The following UTP20 variants were observed in gnomAD, a reference collection of about 807,000 sequenced individuals.
UTP20 encodes the protein UTP20 small subunit processome component, also known as small subunit processome component 20 homolog.
In UTP20, 164 loss-of-function variants were observed where a neutral mutation model predicts 329.5. The ratio of observed to expected loss-of-function variants is 0.50; its 90% confidence interval spans 0.44 to 0.57. The LOEUF (loss-of-function observed/expected upper bound fraction) is 0.57, where lower values mean the gene tolerates loss of function less well. UTP20 is among the 20% of genes least tolerant of loss of function. The pLI, the probability that UTP20 is intolerant of heterozygous loss-of-function variation, is 0.00. For missense variants in UTP20, 3,055 were observed against 3,284.2 expected (o/e 0.93, Z 1.71); for synonymous variants, 1,151 against 1,159.3 (o/e 0.99, Z 0.14).
At position 101,383,033 on chromosome 12, in the gene UTP20, T is replaced by C; in HGVS notation, c.7657-8T>C. On this transcript the variant is annotated splice_polypyrimidine_tract_variant and splice_region_variant and intron_variant, in intron 58 of 61. Coordinates refer to ENST00000261637, the MANE Select transcript of UTP20 (RefSeq NM_014503.3). ...CAATTTCTTCCCCCACCCCGTTTTT[T>C]TTTAAAGGTTGTTAAGAATTTGTTG... 6.3e-7 allele frequency: 1 copy of C among 1,582,990 alleles called. No individual in the cohort carries two copies.
In UTP20 at chr12:101,309,746, G is replaced by C. The variant is rs762935050; in HGVS notation, c.2155-17G>C. On this transcript the variant is annotated splice_polypyrimidine_tract_variant and intron_variant, in intron 18 of 61. Coordinates refer to ENST00000261637, the MANE Select transcript of UTP20 (RefSeq NM_014503.3). ...TATTTCATTACCCAATACTAAACTA[G>C]TCTTTTGTAATTGCAGGTGCCGCTT... The C allele has an allele frequency of 7.3e-5, 118 of 1,610,938 alleles. No individual in the cohort carries two copies. Among genetic ancestry groups the C allele is most frequent in the Admixed American group, 5.7e-4 (34 of 59,986 alleles).
chr12:101,342,631 A>G (rs1316837132), intron 33 of UTP20, 42 bp downstream of exon 33: 1 of 1,576,564 alleles, frequency 6.3e-7, no homozygotes, highest in Admixed American at 1.9e-5. Flanking sequence ...CCTTTTAAAA[A>G]AATGTAATTA....
chr12:101,334,784 G>A (rs1868879246), intron 29 of UTP20, among the ~76,000 whole-genome samples: 1 of 152,130 alleles, frequency 6.6e-6, no homozygotes, highest in Non-Finnish European at 1.5e-5. Flanking sequence ...AGACCAGTCT[G>A]GACAACGTAG....
At chr12:101,285,674 T>A in intron 3 of UTP20, 38 bp downstream of exon 3, 1 of 1,613,680 alleles carries the variant, frequency 6.2e-7, no homozygotes, top group Non-Finnish European at 8.5e-7. Context: ...TCACCCATAG[T>A]TTGCACTTTA....
intron 40 of UTP20, among the ~76,000 whole-genome samples, chr12:101,354,324 C>T (rs1323941730): frequency 2.1e-5 from 3 of 139,808 alleles, no homozygotes; most frequent in Non-Finnish European, 4.7e-5. Flanking sequence ...CTGATGAAAA[C>T]ACCAGGCACA....
intron 5 of UTP20, 56 bp from the exon 6 acceptor site, chr12:101,288,904 T>G (rs1198484909): frequency 2.1e-6 from 3 of 1,445,350 alleles, no homozygotes; most frequent in Non-Finnish European, 2.9e-6. Flanking sequence ...ACATGTAGTA[T>G]GTATTTATTA....
intron 28 of UTP20, 116 bp downstream of exon 28, chr12:101,333,560 C>A: frequency 1.5e-6 from 2 of 1,312,056 alleles, no homozygotes; most frequent in South Asian, 1.5e-5. Flanking sequence ...CCTTTTACAT[C>A]GAGCCCTTCT....
At position 101,321,488 on chromosome 12, in the gene UTP20, TTC is replaced by T. The variant is rs770486895; in HGVS notation, c.2916-12_2916-11del. Reference sequence around the variant, plus strand: ...GTTGATAAAGTGGTGATTTGTGCTGTTCTCTGTTTTTAAAGGGAAAACTTACA... The same window carrying T: ...GTTGATAAAGTGGTGATTTGTGCTGTTCTGTTTTTAAAGGGAAAACTTACA... On this transcript the variant is annotated splice_polypyrimidine_tract_variant and intron_variant, in intron 24 of 61. Transcript: ENST00000261637. The T allele has an allele frequency of 2.5e-6, 4 of 1,611,618 alleles. No individual in the cohort carries two copies. Among genetic ancestry groups the T allele is most frequent in the African/African-American group, 2.7e-5 (2 of 75,000 alleles).
chr12:101,312,315 A>C (rs761131940), intron 21 of UTP20, 39 bp downstream of exon 21: 6 of 1,604,112 alleles, frequency 3.7e-6, no homozygotes, highest in Non-Finnish European at 5.1e-6. Flanking sequence ...CTGGTGGGGC[A>C]TGAAGAAGAG....
intron 43 of UTP20, 28 bp from the exon 44 acceptor site, chr12:101,361,934 C>T: frequency 6.5e-7 from 1 of 1,549,942 alleles, no homozygotes; most frequent in Non-Finnish European, 8.9e-7. Context: ...TGTTAATATT[C>T]ATGTTGTTGC....
chr12:101,353,488 A>G (rs1869608560), intron 40 of UTP20, among the ~76,000 whole-genome samples: 1 of 152,228 alleles, frequency 6.6e-6, no homozygotes, highest in Non-Finnish European at 1.5e-5. Flanking sequence ...TGAAAAATAA[A>G]CTGGATACAA....
At chr12:101,373,515 C>G (rs368197970) in intron 53 of UTP20, 45 bp downstream of exon 53, 1,524 of 1,613,802 alleles carry the variant, frequency 9.4e-4, no homozygotes, top group Non-Finnish European at 1.1e-3. Flanking sequence ...TGGAAGTCCT[C>G]AGTCCCCCTT....
In UTP20 at chr12:101,383,140, G is replaced by A. The variant is rs200357157; in HGVS notation, c.7756G>A (p.Glu2586Lys). The A allele has an allele frequency of 6.2e-7, 1 of 1,613,960 alleles. No homozygotes were observed. The highest frequency in any genetic ancestry group is 1.3e-5 in the African/African-American group (1 of 75,022). ...GATAAAAGAAGACCTGGAAGAACAA[G>A]AAGCTTTAGAAGATGGTGTGGCCTG... ...SKIKEDLEEQ[E>K]ALEDGVACAD... Residue 2586 changes from glutamate to lysine, a missense_variant, in exon 59 of 62, where the codon GAA becomes AAA. Coordinates refer to ENST00000261637, the MANE Select transcript of UTP20 (RefSeq NM_014503.3).
chr12:101,371,479 T>C (rs1265810670), intron 51 of UTP20, among the ~76,000 whole-genome samples: 1 of 150,780 alleles, frequency 6.6e-6, no homozygotes, highest in Admixed American at 6.6e-5. Flanking sequence ...GGGAGCCAGG[T>C]TGGGCAGGAC....
chr12:101,368,240 G>C (rs906228574), intron 48 of UTP20, among the ~76,000 whole-genome samples: 2 of 151,452 alleles, frequency 1.3e-5, no homozygotes, highest in Admixed American at 6.6e-5. Flanking sequence ...TCTTGCCTCA[G>C]TCTTGCCTCA....
intron 25 of UTP20, among the ~76,000 whole-genome samples, chr12:101,325,391 A>G (rs1421288488): frequency 6.6e-6 from 1 of 152,194 alleles, no homozygotes; most frequent in Non-Finnish European, 1.5e-5. Flanking sequence ...TTTTTATGCT[A>G]CTACTACTAA....
chr12:101,316,827 T>G (rs1041870068), intron 21 of UTP20, among the ~76,000 whole-genome samples: 18 of 152,172 alleles, frequency 1.2e-4, no homozygotes, highest in African/African-American at 4.1e-4. Context: ...AATTGCAACA[T>G]TGGACTAAAA....
At chr12:101,309,537 T>G (rs1348307427) in intron 18 of UTP20, among the ~76,000 whole-genome samples, 1 of 152,262 alleles carries the variant, frequency 6.6e-6, no homozygotes. Flanking sequence ...TTGAATACTA[T>G]GTTTGCTGTA....
intron 29 of UTP20, among the ~76,000 whole-genome samples, chr12:101,337,308 T>G (rs1868965220): frequency 6.6e-6 from 1 of 152,220 alleles, no homozygotes; most frequent in African/African-American, 2.4e-5. Context: ...CTCAAGCTCT[T>G]TTGTTTTTTT....
Sources: allele counts gnomAD v4.1 joint callset (sites outside exome capture counted in the v4.1 genomes callset), GRCh38; gene constraint gnomAD v4.1.1; transcripts MANE v1.5; gene names NCBI Gene and HGNC (gene_info 2026-07-23, HGNC 2026-07-21).